Variants in ADGRL3 observed in about 807,000 individuals in gnomAD.
ADGRL3 encodes the protein calcium-independent alpha-latrotoxin receptor 3.
Under a neutral mutation model 153.5 loss-of-function variants are expected in ADGRL3, and 62 were observed. The observed-to-expected ratio is 0.40, with a 90% CI of 0.33 to 0.50. The LOEUF (loss-of-function observed/expected upper bound fraction) is 0.50, where lower values mean the gene tolerates loss of function less well. Among genes scored for constraint, ADGRL3 ranks in the 20% least tolerant of loss-of-function variants. The probability of loss-of-function intolerance (pLI) is 0.47; values close to 1 mark genes in which losing one functional copy is unlikely to be tolerated. For synonymous variants in ADGRL3, 710 were observed against 672.5 expected (o/e 1.06, Z -0.86); for missense variants, 1,641 against 1,859.4 (o/e 0.88, Z 2.16).
At chr4:61,513,823 T>G (rs1189836589) in intron 3 of ADGRL3, among the ~76,000 whole-genome samples, 4 of 152,148 alleles carry the variant, frequency 2.6e-5, no homozygotes, top group Non-Finnish European at 5.9e-5. Context: ...TGAAGATGGA[T>G]AGAAAGAACA....
chr4:62,023,187 T>A (rs1365981693), intron 21 of ADGRL3, among the ~76,000 whole-genome samples: 3 of 152,122 alleles, frequency 2.0e-5, no homozygotes, highest in Non-Finnish European at 4.4e-5. Flanking sequence ...TTCAAGACTT[T>A]AGTGGAGGAA....
At chr4:61,275,921 A>AT (rs2093437281) in intron 1 of ADGRL3, among the ~76,000 whole-genome samples, 1 of 152,158 alleles carries the variant, frequency 6.6e-6, no homozygotes, top group Admixed American at 6.6e-5. Context: ...TTATTTTATT[A>AT]TTTTTTCCAA....
chr4:61,948,335 A>G (rs1241289322), intron 17 of ADGRL3, 59 bp downstream of exon 17: 3 of 1,314,580 alleles, frequency 2.3e-6, no homozygotes, highest in Admixed American at 1.8e-5. Flanking sequence ...ACTAACTGTA[A>G]ATAGTCCTAA....
chr4:61,702,430 T>C (rs796288790), intron 6 of ADGRL3, among the ~76,000 whole-genome samples: 4 of 152,310 alleles, frequency 2.6e-5, no homozygotes, highest in African/African-American at 9.6e-5. Flanking sequence ...ACAAAACATC[T>C]TTTTAAGGCT....
intron 6 of ADGRL3, among the ~76,000 whole-genome samples, chr4:61,688,189 G>T (rs377298899): frequency 1.3e-5 from 2 of 152,184 alleles, no homozygotes; most frequent in South Asian, 4.1e-4. Context: ...ATACAGGATA[G>T]AATAGTAAGT....
chr4:61,670,770 G>A (rs913641883), intron 5 of ADGRL3, among the ~76,000 whole-genome samples: 1 of 152,114 alleles, frequency 6.6e-6, no homozygotes, highest in Non-Finnish European at 1.5e-5. Flanking sequence ...TCCCCCCAGG[G>A]GTGTTGTGTT....
intron 1 of ADGRL3, among the ~76,000 whole-genome samples, chr4:61,291,053 A>C (rs1175746070): frequency 1.3e-5 from 2 of 151,986 alleles, no homozygotes; most frequent in Non-Finnish European, 2.9e-5. Flanking sequence ...TGGTGAAGGA[A>C]AGATTACTGC....
chr4:61,456,379 A>C (rs1407338821), intron 2 of ADGRL3, among the ~76,000 whole-genome samples: 8 of 114,086 alleles, frequency 7.0e-5, no homozygotes, highest in African/African-American at 2.0e-4. Flanking sequence ...ATATATCTAT[A>C]TATATATATA....
intron 5 of ADGRL3, among the ~76,000 whole-genome samples, chr4:61,598,210 TG>T (rs1344392067): frequency 6.6e-6 from 1 of 152,024 alleles, no homozygotes; most frequent in African/African-American, 2.4e-5. Flanking sequence ...TAATTTTTCA[TG>T]GAAAGGCATA....
At chr4:61,854,087 T>C (rs1188984855) in intron 9 of ADGRL3, among the ~76,000 whole-genome samples, 2 of 152,340 alleles carry the variant, frequency 1.3e-5, no homozygotes, top group East Asian at 3.9e-4. Context: ...GGGAATTTAT[T>C]GCCTCTTTAT....
At chr4:61,623,230 T>G (rs544593898) in intron 5 of ADGRL3, among the ~76,000 whole-genome samples, 3 of 152,186 alleles carry the variant, frequency 2.0e-5, no homozygotes, top group African/African-American at 7.2e-5. Context: ...CTTCCCTAAG[T>G]TCCTCAGTTG....
chr4:61,846,380 A>G (rs2098116815), intron 9 of ADGRL3, among the ~76,000 whole-genome samples: 1 of 152,132 alleles, frequency 6.6e-6, no homozygotes. Flanking sequence ...TGTAGAACAT[A>G]CTAAAGAAAG....
At chr4:61,536,284 C>G (rs11734047) in intron 4 of ADGRL3, among the ~76,000 whole-genome samples, 130 of 151,976 alleles carry the variant, frequency 8.6e-4, no homozygotes, top group African/African-American at 2.9e-3. Context: ...TTTATTGAGA[C>G]GTGCTTTATC....
chr4:61,767,655 A>G (rs985303928), intron 8 of ADGRL3, among the ~76,000 whole-genome samples: 12 of 152,090 alleles, frequency 7.9e-5, no homozygotes, highest in African/African-American at 2.7e-4. Flanking sequence ...GAACAGTCCA[A>G]TTTTCAGTGG....
chr4:61,368,745 G>GT (rs1257628851), intron 1 of ADGRL3, among the ~76,000 whole-genome samples: 2 of 152,208 alleles, frequency 1.3e-5, no homozygotes, highest in African/African-American at 2.4e-5. Context: ...CTTTAAAGTA[G>GT]TTTTTTCCAA....
At position 62,000,450 on chromosome 4, in the gene ADGRL3, T is replaced by C. The variant is rs554844970; in HGVS notation, c.3395+2185T>C. Among the ~76,000 whole-genome samples the C allele has an allele frequency of 1.8e-4, 28 of 152,150 alleles. No individual in the cohort carries two copies. The East Asian group carries it at 2.5e-3, about 14-fold the overall frequency. ...ATGATATCATTGTTTAGAAAAATAA[T>C]TAAACATGGAAAAAATCAATAATTA... On this transcript the variant is annotated intron_variant, in intron 21 of 26. Coordinates refer to ENST00000683033, the MANE Select transcript of ADGRL3 (RefSeq NM_001387552.1).
intron 14 of ADGRL3, 39 bp downstream of exon 14, chr4:61,935,062 T>G (rs1251294155): frequency 6.4e-7 from 1 of 1,569,210 alleles, no homozygotes. Flanking sequence ...CAGACACTCT[T>G]GTATATCAGA....
At chr4:61,552,864 CT>C (rs1331601727) in intron 4 of ADGRL3, among the ~76,000 whole-genome samples, 1 of 152,064 alleles carries the variant, frequency 6.6e-6, no homozygotes, top group Non-Finnish European at 1.5e-5. Context: ...TCTTTGTTGT[CT>C]TGTGTCTTCT....
chr4:61,707,275 C>T (rs1197776027), intron 6 of ADGRL3, among the ~76,000 whole-genome samples: 1 of 152,024 alleles, frequency 6.6e-6, no homozygotes, highest in African/African-American at 2.4e-5. Flanking sequence ...CAAGAATTAC[C>T]AAAATGTGAC....
Sources: allele counts gnomAD v4.1 joint callset (sites outside exome capture counted in the v4.1 genomes callset), GRCh38; gene constraint gnomAD v4.1.1; transcripts MANE v1.5; gene names NCBI Gene and HGNC (gene_info 2026-07-23, HGNC 2026-07-21).